The following ZFPM2 variants were observed in gnomAD, a reference collection of about 807,000 sequenced individuals.
ZFPM2 encodes the protein zinc finger protein, FOG family member 2.
A neutral mutation model predicts 98.6 loss-of-function variants in ZFPM2; 20 were observed. The observed-to-expected ratio is 0.20, with a 90% CI of 0.14 to 0.29. ZFPM2 has a LOEUF of 0.29. Among genes scored for constraint, ZFPM2 ranks in the 10% least tolerant of loss-of-function variants. The probability of loss-of-function intolerance (pLI) is 1.00; values close to 1 mark genes in which losing one functional copy is unlikely to be tolerated. For missense variants in ZFPM2, 1,310 were observed against 1,388.6 expected, an observed-to-expected ratio of 0.94 and a Z score of 0.90; for synonymous variants, 518 against 502.7, an observed-to-expected ratio of 1.03 and a Z score of -0.41.
rs892760777 is a variant in ZFPM2, at chr8:105,754,601, C to T, written c.533-34117C>T. On this transcript the variant is annotated intron_variant, in intron 5 of 7. Transcript: ENST00000407775. ...TATTGTGCCTCAATTTCTTATTCAA[C>T]GACCTGCGGTTCTCAGTTGGATCTA... is the stretch of plus-strand genomic sequence containing the variant. Among the ~76,000 whole-genome samples the T allele has an allele frequency of 4.6e-5, 7 of 151,924 alleles. No individual in the cohort carries two copies. In the South Asian group the frequency reaches 8.3e-4, roughly 18 times the overall value.
chr8:105,693,975 C>CTTTTTTTTTTTTT (rs1181965747), intron 5 of ZFPM2, among the ~76,000 whole-genome samples: 2 of 108,518 alleles, frequency 1.8e-5, no homozygotes, highest in African/African-American at 3.2e-5. Context: ...TTCTTTTTTT[C>CTTTTTTTTTTTTT]TTTTCTTTTT....
chr8:105,593,627 C>T (rs1401696704), intron 4 of ZFPM2, among the ~76,000 whole-genome samples: 1 of 148,866 alleles, frequency 6.7e-6, no homozygotes, highest in Non-Finnish European at 1.5e-5. Context: ...ATGCCAGTTT[C>T]TCTTCAGTGA....
chr8:105,469,922 T>C (rs1418484898), intron 3 of ZFPM2, among the ~76,000 whole-genome samples: 1 of 152,192 alleles, frequency 6.6e-6, no homozygotes, highest in Admixed American at 6.5e-5. Context: ...GAGTAAATGC[T>C]CAAAAACTTT....
chr8:105,466,339 A>G (rs750084050), intron 3 of ZFPM2, among the ~76,000 whole-genome samples: 7 of 152,042 alleles, frequency 4.6e-5, no homozygotes, highest in African/African-American at 7.2e-5. Context: ...TTTAATGCAC[A>G]TGTGTTGAAT....
chr8:105,634,436 A>T (rs1286689177), intron 5 of ZFPM2, 79 bp downstream of exon 5: 1 of 1,111,176 alleles, frequency 9.0e-7, no homozygotes, highest in African/African-American at 1.6e-5. Flanking sequence ...AAGAGCTGGA[A>T]TGGAAGTACA....
intron 5 of ZFPM2, among the ~76,000 whole-genome samples, chr8:105,688,085 A>C (rs1300809600): frequency 6.6e-6 from 1 of 152,130 alleles, no homozygotes; most frequent in Non-Finnish European, 1.5e-5. Context: ...AGATGAAATC[A>C]ATAAGGTTTA....
At chr8:105,393,267 A>G (rs1811143082) in intron 1 of ZFPM2, among the ~76,000 whole-genome samples, 1 of 152,162 alleles carries the variant, frequency 6.6e-6, no homozygotes. Context: ...AGCATGTGCT[A>G]TACTGAAGAA....
Position 105,320,898 on chromosome 8 carries a change from G to A in ZFPM2, c.40+1917G>A, listed in dbSNP as rs550780178. On this transcript the variant is annotated intron_variant, in intron 1 of 7. Transcript: ENST00000407775. The stretch of plus-strand genomic sequence containing the variant: ...TGCTTGAAAGTTATTTCATTTGAAA[G>A]TGAACAAATATATTTATATATTTAT... Among the ~76,000 whole-genome samples the A allele has an allele frequency of 2.6e-5, 4 of 152,208 alleles. No homozygotes were observed. In the South Asian group the frequency reaches 8.3e-4, roughly 32 times the overall value.
chr8:105,718,209 G>C (rs1586217472), intron 5 of ZFPM2, among the ~76,000 whole-genome samples: 1 of 152,040 alleles, frequency 6.6e-6, no homozygotes, highest in African/African-American at 2.4e-5. Flanking sequence ...GCCATCTGGT[G>C]GCAGTTGCTC....
chr8:105,412,048 T>C (rs1811587545), intron 1 of ZFPM2, among the ~76,000 whole-genome samples: 1 of 151,834 alleles, frequency 6.6e-6, no homozygotes, highest in Non-Finnish European at 1.5e-5. Flanking sequence ...GGGAATAATA[T>C]TTACATAATT....
intron 4 of ZFPM2, among the ~76,000 whole-genome samples, chr8:105,562,458 A>T (rs187905665): frequency 2.0e-4 from 31 of 152,306 alleles, no homozygotes; most frequent in African/African-American, 7.5e-4. Context: ...TTTGTGCCTT[A>T]AAACAACATA....
At chr8:105,351,354 C>CATGTGT (rs1554596832) in intron 1 of ZFPM2, among the ~76,000 whole-genome samples, 8 of 144,754 alleles carry the variant, frequency 5.5e-5, no homozygotes, top group South Asian at 2.2e-4. Flanking sequence ...TGCATTATTT[C>CATGTGT]GTGTGTGTGT....
Position 105,803,448 on chromosome 8 carries a change from G to T in ZFPM2, c.3366G>T (p.Arg1122=), listed in dbSNP as rs756634270. 6.2e-7 allele frequency: 1 copy of T among 1,613,578 alleles called. No individual in the cohort carries two copies. Among genetic ancestry groups the T allele is most frequent in the Non-Finnish European group, 8.5e-7 (1 of 1,179,768 alleles). ...CTCCAACCAGTGGGAAATATTGCCGGCTATGTGATATCCAGTTCAACAACC... is the reference window on the plus strand; with the variant it reads ...CTCCAACCAGTGGGAAATATTGCCGTCTATGTGATATCCAGTTCAACAACC... ...SQAPTSGKYC[R]LCDIQFNNLS... The change falls in exon 8 of 8, where the codon CGG becomes CGT. Residue 1122 remains arginine, a synonymous_variant. Transcript: ENST00000407775.
intron 3 of ZFPM2, among the ~76,000 whole-genome samples, chr8:105,546,936 A>G (rs1218703397): frequency 6.6e-6 from 1 of 152,184 alleles, no homozygotes; most frequent in Non-Finnish European, 1.5e-5. Flanking sequence ...ATCTACATAT[A>G]CAGTTCTTTT....
chr8:105,799,013 C>A (rs2131170257), intron 7 of ZFPM2, 65 bp downstream of exon 7: 2 of 1,350,108 alleles, frequency 1.5e-6, no homozygotes, highest in Non-Finnish European at 2.1e-6. Context: ...AATATATATG[C>A]ATTACATGTA....
intron 4 of ZFPM2, among the ~76,000 whole-genome samples, chr8:105,576,543 T>G (rs563965609): frequency 6.6e-6 from 1 of 152,272 alleles, no homozygotes; most frequent in East Asian, 1.9e-4. Flanking sequence ...TCTTAACTAT[T>G]GGTTAAAATA....
intron 3 of ZFPM2, among the ~76,000 whole-genome samples, chr8:105,487,201 CT>C (rs1412941457): frequency 2.0e-5 from 3 of 152,144 alleles, no homozygotes; most frequent in African/African-American, 7.2e-5. Context: ...TAGCCTGGAC[CT>C]CCTGGGCTCA....
chr8:105,728,785 C>A (rs1586224058), intron 5 of ZFPM2, among the ~76,000 whole-genome samples: 2 of 151,766 alleles, frequency 1.3e-5, no homozygotes, highest in African/African-American at 4.8e-5. Context: ...GTGACAGTTG[C>A]ACTATTAAAT....
At chr8:105,532,107 G>A (rs1383716592) in intron 3 of ZFPM2, among the ~76,000 whole-genome samples, 1 of 152,016 alleles carries the variant, frequency 6.6e-6, no homozygotes, top group Non-Finnish European at 1.5e-5. Flanking sequence ...TAGCCATGTT[G>A]CCCAGGCTTG....
Sources: gnomAD v4.1 joint callset for allele counts (sites outside exome capture counted in the v4.1 genomes callset) on GRCh38, gnomAD v4.1.1 for gene constraint, MANE v1.5 for transcripts, NCBI Gene and HGNC (gene_info 2026-07-23, HGNC 2026-07-21) for gene names.